XRCC4: variants seen among roughly 807,000 people sequenced by gnomAD.
XRCC4 encodes X-ray repair cross complementing 4, also known as DNA repair protein XRCC4.
In XRCC4, 28 loss-of-function variants were observed where a neutral mutation model predicts 39.1. That is an observed-to-expected ratio of 0.72 (90% CI 0.53 to 0.98). The LOEUF is 0.98. Ranked by LOEUF, XRCC4 falls within the 50% of genes least tolerant of loss-of-function variation. The probability of loss-of-function intolerance (pLI) is 0.00; values close to 1 mark genes in which losing one functional copy is unlikely to be tolerated. For missense variants in XRCC4, 350 were observed against 376.4 expected, an observed-to-expected ratio of 0.93 and a Z score of 0.58; for synonymous variants, 123 against 126.4, an observed-to-expected ratio of 0.97 and a Z score of 0.18.
At chr5:83,335,193 T>C (rs1457484170) in intron 7 of XRCC4, among the ~76,000 whole-genome samples, 1 of 151,974 alleles carries the variant, frequency 6.6e-6, no homozygotes. Context: ...TGGATTAGAA[T>C]GGTCTATCAT....
At chr5:83,151,852 C>G (rs1050826155) in intron 3 of XRCC4, among the ~76,000 whole-genome samples, 1 of 152,116 alleles carries the variant, frequency 6.6e-6, no homozygotes, top group Non-Finnish European at 1.5e-5. Context: ...GAAGGTTTAA[C>G]TTTTATTATA....
At chr5:83,078,109 C>T (rs896620447) in intron 1 of XRCC4, among the ~76,000 whole-genome samples, 3 of 152,160 alleles carry the variant, frequency 2.0e-5, no homozygotes, top group Admixed American at 6.5e-5. Context: ...AAGGAACTGC[C>T]GTTTGCGGAC....
At chr5:83,267,860 A>G (rs909550477) in intron 7 of XRCC4, among the ~76,000 whole-genome samples, 2 of 152,220 alleles carry the variant, frequency 1.3e-5, no homozygotes, top group African/African-American at 4.8e-5. Context: ...AAAGTCTGAA[A>G]GATTGAGGAC....
intron 7 of XRCC4, among the ~76,000 whole-genome samples, chr5:83,294,152 C>T (rs1755016850): frequency 6.6e-6 from 1 of 151,914 alleles, no homozygotes; most frequent in East Asian, 1.9e-4. Context: ...GACTAATTTT[C>T]AATACTATCT....
At chr5:83,147,974 G>T (rs1261860169) in intron 3 of XRCC4, among the ~76,000 whole-genome samples, 8 of 152,080 alleles carry the variant, frequency 5.3e-5, no homozygotes, top group African/African-American at 1.9e-4. Flanking sequence ...TATTAATAGA[G>T]ATGGGGTTTC....
intron 3 of XRCC4, among the ~76,000 whole-genome samples, chr5:83,172,385 T>C (rs1272203733): frequency 1.3e-5 from 2 of 152,150 alleles, no homozygotes; most frequent in African/African-American, 4.8e-5. Context: ...TAAGGTCTTT[T>C]TGAGAATAAT....
chr5:83,115,202 C>T (rs189497099), intron 3 of XRCC4, among the ~76,000 whole-genome samples: 102 of 152,106 alleles, frequency 6.7e-4, no homozygotes, highest in East Asian at 1.4e-3. Flanking sequence ...CTGAGATGGG[C>T]GGATCACCTG....
At chr5:83,352,271 G>T (rs977572854) in intron 7 of XRCC4, among the ~76,000 whole-genome samples, 2 of 152,072 alleles carry the variant, frequency 1.3e-5, no homozygotes, top group African/African-American at 4.8e-5. Context: ...AGTATTACTG[G>T]GTTAGCTCAA....
At chr5:83,099,876 C>T (rs533674701) in intron 1 of XRCC4, among the ~76,000 whole-genome samples, 2 of 152,238 alleles carry the variant, frequency 1.3e-5, no homozygotes, top group African/African-American at 4.8e-5. Flanking sequence ...GCTGACTATT[C>T]CCATTTACAG....
At chr5:83,142,507 A>G (rs995818741) in intron 3 of XRCC4, among the ~76,000 whole-genome samples, 2 of 152,222 alleles carry the variant, frequency 1.3e-5, no homozygotes, top group African/African-American at 4.8e-5. Flanking sequence ...TAGTTGATTT[A>G]TTAAAGTTCT....
chr5:83,344,011 A>G (rs1005961922), intron 7 of XRCC4, among the ~76,000 whole-genome samples: 1 of 152,070 alleles, frequency 6.6e-6, no homozygotes, highest in Non-Finnish European at 1.5e-5. Flanking sequence ...AAAATCTAGA[A>G]TTCTGAGAAT....
intron 7 of XRCC4, among the ~76,000 whole-genome samples, chr5:83,306,925 A>AAC (rs1434121274): frequency 2.6e-5 from 4 of 152,118 alleles, no homozygotes; most frequent in African/African-American, 4.8e-5. Context: ...GAAATTTCAT[A>AAC]ACTCTCTAGA....
intron 3 of XRCC4, among the ~76,000 whole-genome samples, chr5:83,181,053 C>CTTTT (rs374001978): frequency 3.6e-5 from 5 of 139,384 alleles, no homozygotes; most frequent in Non-Finnish European, 7.8e-5. Flanking sequence ...TTTAAACTTT[C>CTTTT]TTTTTTTTTT....
At chr5:83,245,113 C>G (rs1753053019) in intron 6 of XRCC4, among the ~76,000 whole-genome samples, 1 of 151,956 alleles carries the variant, frequency 6.6e-6, no homozygotes, top group African/African-American at 2.4e-5. Context: ...GAAAAGTGTT[C>G]TGAGAATGGT....
rs1230972568 is a variant in XRCC4, at chr5:83,107,910, T to C, written c.139+2852T>C. On this transcript the variant is annotated intron_variant, in intron 2 of 7. Coordinates refer to ENST00000396027, the MANE Select transcript of XRCC4 (RefSeq NM_003401.5). Reference sequence around the variant, plus strand: ...ACCAACTAGAATCCTAATGGTATGATAAGACTGTATGTCTTCTGAGCTCCA... The same window carrying C: ...ACCAACTAGAATCCTAATGGTATGACAAGACTGTATGTCTTCTGAGCTCCA... Among the ~76,000 whole-genome samples, 3 of 152,036 alleles carry C rather than the reference T, an allele frequency of 2.0e-5. No individual in the cohort carries two copies. In the East Asian group the frequency reaches 5.8e-4, roughly 29 times the overall value.
intron 3 of XRCC4, among the ~76,000 whole-genome samples, chr5:83,113,327 C>G (rs996232181): frequency 6.6e-6 from 1 of 152,230 alleles, no homozygotes; most frequent in Non-Finnish European, 1.5e-5. Flanking sequence ...CAACCTTGAG[C>G]AGCTCCACCC....
intron 3 of XRCC4, among the ~76,000 whole-genome samples, chr5:83,180,645 A>G (rs1160051917): frequency 6.6e-6 from 1 of 152,164 alleles, no homozygotes; most frequent in Non-Finnish European, 1.5e-5. Flanking sequence ...AGGTTGCTAT[A>G]ATGTATTGGC....
At chr5:83,202,567 A>G (rs1751249419) in intron 4 of XRCC4, among the ~76,000 whole-genome samples, 1 of 152,202 alleles carries the variant, frequency 6.6e-6, no homozygotes, top group Non-Finnish European at 1.5e-5. Flanking sequence ...ACTGAAATAT[A>G]TATGTGTGTG....
At chr5:83,351,501 GT>G (rs1326287418) in intron 7 of XRCC4, among the ~76,000 whole-genome samples, 1 of 152,056 alleles carries the variant, frequency 6.6e-6, no homozygotes, top group Non-Finnish European at 1.5e-5. Flanking sequence ...TGTTTAACGT[GT>G]TTTGAGTTGA....
Sources: allele counts gnomAD v4.1 joint callset (sites outside exome capture counted in the v4.1 genomes callset), GRCh38; gene constraint gnomAD v4.1.1; transcripts MANE v1.5; gene names NCBI Gene and HGNC (gene_info 2026-07-23, HGNC 2026-07-21).